The following HHAT variants were observed in gnomAD, a reference collection of about 807,000 sequenced individuals.
HHAT encodes the protein hedgehog acyltransferase.
Under a neutral mutation model 70.8 loss-of-function variants are expected in HHAT, and 47 were observed. The observed-to-expected ratio is 0.66, with a 90% CI of 0.53 to 0.85. The LOEUF is 0.85. HHAT is among the 40% of genes least tolerant of loss of function. HHAT has a pLI of 0.00. For synonymous variants in HHAT, 228 were observed against 247.6 expected (o/e 0.92, Z 0.74); for missense variants, 609 against 604.8 (o/e 1.01, Z -0.07).
chr1:210,454,405 T>A (rs547921587), intron 7 of HHAT, among the ~76,000 whole-genome samples: 21 of 152,138 alleles, frequency 1.4e-4, no homozygotes, highest in South Asian at 1.3e-3. Context: ...TACAAAAAAA[T>A]TAGCCGGGCG....
chr1:210,404,536 A>T lies in HHAT; in HGVS notation c.541A>T (p.Thr181Ser). ...FTLTVRCLYY[T>S]SFSLELCWQQ... ...GCTGACCGTTCGCTGCCTGTACTAC[A>T]CCAGCTTCAGCCTGGAGCTCTGCTG... Residue 181 changes from threonine (T) to serine (S), a missense_variant, in exon 6 of 12, where the codon ACC (threonine) becomes TCC (serine). Transcript: ENST00000261458. 6.2e-7 allele frequency: 1 copy of T among 1,613,824 alleles called. No individual in the cohort carries two copies. The highest frequency in any genetic ancestry group is 1.1e-5 in the South Asian group (1 of 91,070).
chr1:210,389,023 A>G (rs1185291374), intron 4 of HHAT, among the ~76,000 whole-genome samples: 1 of 152,202 alleles, frequency 6.6e-6, no homozygotes, highest in Non-Finnish European at 1.5e-5. Flanking sequence ...TAACCTGAGC[A>G]AAGGTTTTCA....
intron 8 of HHAT, among the ~76,000 whole-genome samples, chr1:210,499,377 C>CT (rs1409282775): frequency 6.6e-6 from 1 of 152,230 alleles, no homozygotes; most frequent in African/African-American, 2.4e-5. Context: ...TGGCTCACGC[C>CT]TGTAATCCCA....
chr1:210,332,046 T>C (rs1443946910), intron 1 of HHAT, among the ~76,000 whole-genome samples: 1 of 152,240 alleles, frequency 6.6e-6, no homozygotes, highest in Non-Finnish European at 1.5e-5. Context: ...TAAGGGCATG[T>C]ACTTTAATGT....
At chr1:210,573,103 T>C (rs997644225) in intron 9 of HHAT, among the ~76,000 whole-genome samples, 3 of 152,180 alleles carry the variant, frequency 2.0e-5, no homozygotes, top group African/African-American at 7.2e-5. Context: ...CAGCACACTA[T>C]TGTGATATTT....
chr1:210,353,439 T>G (rs554025356), intron 2 of HHAT, among the ~76,000 whole-genome samples: 3,003 of 90,904 alleles, frequency 0.033, 49 homozygotes, highest in Non-Finnish European at 0.055. Flanking sequence ...CACCTGTTTT[T>G]TTTTTTTTTT....
chr1:210,346,521 G>C (rs1466576374), intron 1 of HHAT, among the ~76,000 whole-genome samples: 1 of 152,236 alleles, frequency 6.6e-6, no homozygotes, highest in Non-Finnish European at 1.5e-5. Flanking sequence ...TAAGGAACTT[G>C]AGAAAGTGTT....
intron 11 of HHAT, among the ~76,000 whole-genome samples, chr1:210,667,764 A>G (rs1028876412): frequency 2.0e-4 from 31 of 152,310 alleles, no homozygotes; most frequent in African/African-American, 7.2e-4. Context: ...TATAAATAAT[A>G]TATACTGTAT....
intron 4 of HHAT, among the ~76,000 whole-genome samples, chr1:210,398,250 C>T (rs189555675): frequency 4.3e-4 from 66 of 152,252 alleles, no homozygotes; most frequent in African/African-American, 1.5e-3. Context: ...GCATTATTCA[C>T]ATCTTTTCAT....
intron 10 of HHAT, among the ~76,000 whole-genome samples, chr1:210,596,887 T>C (rs1663130660): frequency 6.6e-6 from 1 of 152,180 alleles, no homozygotes; most frequent in African/African-American, 2.4e-5. Context: ...GGATGGTGCA[T>C]TGGTATTTGG....
At chr1:210,630,794 A>T (rs1292395616) in intron 11 of HHAT, among the ~76,000 whole-genome samples, 1 of 152,200 alleles carries the variant, frequency 6.6e-6, no homozygotes, top group Non-Finnish European at 1.5e-5. Flanking sequence ...AGCAGAAGCA[A>T]TCTCTCCTTT....
intron 9 of HHAT, among the ~76,000 whole-genome samples, chr1:210,529,330 A>G (rs2095288226): frequency 6.6e-6 from 1 of 152,050 alleles, no homozygotes; most frequent in African/African-American, 2.4e-5. Flanking sequence ...AAAAAAAAAA[A>G]AAAGAAAACG....
At chr1:210,445,212 A>T (rs1162757383) in intron 7 of HHAT, among the ~76,000 whole-genome samples, 1 of 152,176 alleles carries the variant, frequency 6.6e-6, no homozygotes, top group Non-Finnish European at 1.5e-5. Context: ...ATAAAATAGA[A>T]TTGTGCTAGT....
chr1:210,442,693 G>A (rs1160223113), intron 7 of HHAT, among the ~76,000 whole-genome samples: 1 of 152,094 alleles, frequency 6.6e-6, no homozygotes, highest in Non-Finnish European at 1.5e-5. Flanking sequence ...CTTTTTGATG[G>A]GGTTGTTTGT....
intron 10 of HHAT, among the ~76,000 whole-genome samples, chr1:210,594,888 T>C (rs564058636): frequency 4.1e-4 from 63 of 152,344 alleles, no homozygotes; most frequent in African/African-American, 1.5e-3. Context: ...AAGGTTTCCA[T>C]TGAAAAATCT....
At chr1:210,574,315 C>T (rs1470076465) in intron 9 of HHAT, among the ~76,000 whole-genome samples, 3 of 152,170 alleles carry the variant, frequency 2.0e-5, no homozygotes, top group Non-Finnish European at 2.9e-5. Flanking sequence ...GGCATGATTA[C>T]AAGGCCCAGG....
chr1:210,437,625 G>A (rs541027584), intron 7 of HHAT, among the ~76,000 whole-genome samples: 3 of 151,952 alleles, frequency 2.0e-5, no homozygotes, highest in Admixed American at 6.5e-5. Context: ...CCATTAGGAC[G>A]GCTGTGGAAA....
intron 8 of HHAT, among the ~76,000 whole-genome samples, chr1:210,472,151 G>A (rs1395149463): frequency 2.0e-5 from 3 of 152,096 alleles, no homozygotes; most frequent in Non-Finnish European, 2.9e-5. Context: ...CTGTGTTTGT[G>A]CACGCACACA....
chr1:210,404,190 T>C (rs1400382089), intron 5 of HHAT, among the ~76,000 whole-genome samples: 1 of 152,210 alleles, frequency 6.6e-6, no homozygotes, highest in Admixed American at 6.5e-5. Flanking sequence ...CTTCGTTATG[T>C]TGTGTCAGAC....
Sources: gnomAD v4.1 joint callset for allele counts (sites outside exome capture counted in the v4.1 genomes callset) on GRCh38, gnomAD v4.1.1 for gene constraint, MANE v1.5 for transcripts, NCBI Gene and HGNC (gene_info 2026-07-23, HGNC 2026-07-21) for gene names.